The following TMEM235 variants were observed in gnomAD, a reference collection of about 807,000 sequenced individuals.
TMEM235 encodes claudin-27.
A neutral mutation model predicts 22.9 loss-of-function variants in TMEM235; 23 were observed. The ratio of observed to expected loss-of-function variants is 1.00; its 90% confidence interval spans 0.72 to 1.42. TMEM235 has a LOEUF of 1.42. Among genes scored for constraint, TMEM235 ranks in the 40% most tolerant of loss-of-function variants. TMEM235 has a pLI of 0.00. For missense variants in TMEM235, 308 were observed against 299.5 expected, an observed-to-expected ratio of 1.03 and a Z score of -0.21; for synonymous variants, 137 against 140.5, an observed-to-expected ratio of 0.98 and a Z score of 0.17.
Position 78,238,311 on chromosome 17 carries a change from T to C in TMEM235, c.410-713T>C, listed in dbSNP as rs745664732. On this transcript the variant is annotated intron_variant, in intron 4 of 5. Transcript: ENST00000421688. The surrounding 1 kb of genome is among the most constrained non-coding windows in gnomAD (Gnocchi z 4.3). ...ATTCCTTTGACAACAGCTTTGACCA[T>C]GTGGAGAGCGGGAGGGAGGAGAGAG... Among the ~76,000 whole-genome samples the C allele has an allele frequency of 5.9e-5, 9 of 151,676 alleles. No homozygotes were observed. Among genetic ancestry groups the C allele is most frequent in the Admixed American group, 1.3e-4 (2 of 15,256 alleles).
chr17:78,238,606 G>T lies in TMEM235; in HGVS notation c.410-418G>T, dbSNP rs541066871. ...TGTGTGAATGTGTGCAAATGTGTTC[G>T]TGTAGGTGTGCATGTGCATGTGTGT... On this transcript the variant is annotated intron_variant, in intron 4 of 5. Transcript: ENST00000421688. The surrounding 1 kb of genome is among the most constrained non-coding windows in gnomAD (Gnocchi z 4.3). Among the ~76,000 whole-genome samples, 1 of 150,330 alleles carries T rather than the reference G, an allele frequency of 6.7e-6. No individual in the cohort carries two copies. Among genetic ancestry groups the T allele is most frequent in the African/African-American group, 2.4e-5 (1 of 40,976 alleles).
chr17:78,239,823 T>G (rs1469576694), exon 6 of TMEM235: 1 of 1,551,016 alleles, frequency 6.4e-7, no homozygotes, highest in African/African-American at 1.4e-5. Flanking sequence ...CCCACCCAGA[T>G]CGCCTGGCGC....
At chr17:78,239,676 G>C in intron 5 of TMEM235, 104 bp from the exon 5 acceptor site, 2 of 1,461,246 alleles carry the variant, frequency 1.4e-6, no homozygotes, top group Non-Finnish European at 1.8e-6. Context: ...CTAAGGACCT[G>C]GGAGAAAAGT....
chr17:78,234,350 T>C (rs758429172), intron 3 of TMEM235: 1 of 713,708 alleles, frequency 1.4e-6, no homozygotes, highest in South Asian at 1.5e-5. Context: ...ACCTGGCGGG[T>C]TGGGGGACAT....
chr17:78,232,749 G>A (rs938007734), intron 2 of TMEM235, among the ~76,000 whole-genome samples: 1 of 152,084 alleles, frequency 6.6e-6, no homozygotes, highest in Non-Finnish European at 1.5e-5. Context: ...TCCCTCCTCC[G>A]GAGCTGGGGC....
chr17:78,234,788 G>T, intron 4 of TMEM235, 58 bp downstream of exon 3: 1 of 1,529,970 alleles, frequency 6.5e-7, no homozygotes, highest in Non-Finnish European at 8.8e-7. Context: ...CACAGGTCCC[G>T]GGAGTGGGGT....
chr17:78,232,038 C>A, exon 2 of TMEM235: 2 of 1,242,700 alleles, frequency 1.6e-6, no homozygotes, highest in Non-Finnish European at 2.0e-6. Flanking sequence ...CCCGGCTGGG[C>A]GCGCTGCTCC....
At chr17:78,234,249 G>T in intron 3 of TMEM235, 1 of 689,154 alleles carries the variant, frequency 1.5e-6, no homozygotes, top group Non-Finnish European at 2.6e-6. Context: ...TCCCAGCTTG[G>T]CTGGATCCTG....
chr17:78,231,731 C>A (rs1292411527), exon 2 of TMEM235: 2 of 1,241,816 alleles, frequency 1.6e-6, no homozygotes, highest in African/African-American at 1.6e-5. Flanking sequence ...CCGGGGCCAG[C>A]CCGTGGGGAC....
exon 2 of TMEM235, chr17:78,231,944 C>T (rs1430246126): frequency 2.0e-6 from 2 of 1,025,256 alleles, no homozygotes; most frequent in Non-Finnish European, 1.2e-6. Flanking sequence ...CCCCCGTCCC[C>T]CGGCTCCCGG....
At chr17:78,231,961 G>T in exon 2 of TMEM235, 1 of 1,070,838 alleles carries the variant, frequency 9.3e-7, no homozygotes, top group East Asian at 5.5e-5. Flanking sequence ...CCGGCTCCGC[G>T]CGCCCCCCGC....
chr17:78,233,287 G>A (rs1434889072), intron 2 of TMEM235, among the ~76,000 whole-genome samples: 1 of 152,318 alleles, frequency 6.6e-6, no homozygotes, highest in Non-Finnish European at 1.5e-5. Context: ...TTCCTTTCAG[G>A]CAAAGCCTGA....
At chr17:78,240,275 G>A (rs2081107611) in exon 6 of TMEM235, 1 of 289,962 alleles carries the variant, frequency 3.4e-6, no homozygotes, top group Non-Finnish European at 6.6e-6. Flanking sequence ...AGGGGGCCTG[G>A]CTGAGGGTGC....
At chr17:78,234,122 T>C in intron 3 of TMEM235, 147 bp downstream of exon 2, 1 of 764,614 alleles carries the variant, frequency 1.3e-6, no homozygotes, top group South Asian at 1.6e-5. Flanking sequence ...GTCCCAGTGC[T>C]GTGCTGCTGT....
exon 2 of TMEM235, chr17:78,231,727 C>T: frequency 8.0e-7 from 1 of 1,249,184 alleles, no homozygotes; most frequent in Non-Finnish European, 1.0e-6. Context: ...GGACCCGGGG[C>T]CAGCCCGTGG....
At position 78,239,279 on chromosome 17, in the gene TMEM235, A is replaced by G. The variant is rs1339875378; in HGVS notation, c.659+6A>G. On this transcript the variant is annotated splice_donor_region_variant and intron_variant, in intron 5 of 5. Transcript: ENST00000421688. ...CCCCAGCAGGTGGGAGGGAGGTAAG[A>G]GGGGGCTGGGTTTCCCTTTGCACCT... 6.5e-7 allele frequency: 1 copy of G among 1,537,504 alleles called. No individual in the cohort carries two copies. The highest frequency in any genetic ancestry group is 1.4e-5 in the African/African-American group (1 of 72,946).
chr17:78,240,899 A>G (rs2081116612), exon 6 of TMEM235: 1 of 152,242 alleles, frequency 6.6e-6, no homozygotes, highest in Non-Finnish European at 1.5e-5. Context: ...TGTGTGCAGT[A>G]TAAGCCTTTT....
Position 78,234,595 on chromosome 17 carries a change from CTGCACCG to C in TMEM235, c.279_285del (p.His93GlnfsTer8). 6.5e-7 allele frequency: 1 copy of C among 1,536,240 alleles called. No individual in the cohort carries two copies. Among genetic ancestry groups the C allele is most frequent in the Non-Finnish European group, 8.7e-7 (1 of 1,146,930 alleles). ...CACCTGAGCCCCCTTTCCTGCAGTG[CTGCACCG>C]TGCAGTCATTGTGGTCCTGCCCCTG... On this transcript the variant is annotated frameshift_variant, in exon 4 of 6. Transcript: ENST00000421688. LOFTEE classifies it high-confidence loss of function.
At chr17:78,239,956 GT>G in exon 6 of TMEM235, 1 of 1,549,670 alleles carries the variant, frequency 6.5e-7, no homozygotes. Flanking sequence ...ATTTGCAGGG[GT>G]GGGGGGCAAG....
Sources: allele counts gnomAD v4.1 joint callset (sites outside exome capture counted in the v4.1 genomes callset), GRCh38; gene constraint gnomAD v4.1.1; non-coding constraint Gnocchi (gnomAD v3.1); transcripts MANE v1.5; gene names NCBI Gene and HGNC (gene_info 2026-07-23, HGNC 2026-07-21).